The following MAGI1 variants were observed in gnomAD, a reference collection of about 807,000 sequenced individuals.
MAGI1 encodes membrane associated guanylate kinase, WW and PDZ domain containing 1, also known as membrane-associated guanylate kinase, WW and PDZ domain-containing protein 1.
Under a neutral mutation model 139.9 loss-of-function variants are expected in MAGI1, and 58 were observed. That is an observed-to-expected ratio of 0.41 (90% CI 0.34 to 0.52). The LOEUF (loss-of-function observed/expected upper bound fraction) is 0.52. MAGI1 is among the 20% of genes least tolerant of loss of function. The probability of loss-of-function intolerance (pLI) is 0.12; values close to 1 mark genes in which losing one functional copy is unlikely to be tolerated. For missense variants in MAGI1, 1,874 were observed against 1,901.6 expected (o/e 0.99, Z 0.27); for synonymous variants, 812 against 737.9 (o/e 1.10, Z -1.63).
intron 1 of MAGI1, among the ~76,000 whole-genome samples, chr3:65,973,067 T>C (rs1056901488): frequency 6.6e-6 from 1 of 152,044 alleles, no homozygotes. Context: ...GGATGATCAC[T>C]TGGGCCCAGG....
At position 65,634,759 on chromosome 3, in the gene MAGI1, G is replaced by T. The variant is rs115545654; in HGVS notation, c.314-12671C>A. 7.2e-3 allele frequency among the ~76,000 whole-genome samples: 1,100 copies of T among 152,268 alleles called. 10 individuals are homozygous for T. The highest frequency in any genetic ancestry group is 0.026 in the African/African-American group (1,064 of 41,546). ...AATAAGAACAACAGAGACGTTTATG[G>T]CTCAGCTAAGGGAATGTTGACTATG... On this transcript the variant is annotated intron_variant, in intron 1 of 22. Coordinates refer to ENST00000402939, the MANE Select transcript of MAGI1 (RefSeq NM_001033057.2).
At chr3:65,508,978 G>A (rs1326575137) in intron 2 of MAGI1, among the ~76,000 whole-genome samples, 3 of 152,168 alleles carry the variant, frequency 2.0e-5, no homozygotes. Context: ...AGCTTCCTGT[G>A]AGCCAGGGAA....
intron 1 of MAGI1, among the ~76,000 whole-genome samples, chr3:65,730,232 G>A (rs1001803128): frequency 2.0e-5 from 3 of 152,050 alleles, no homozygotes; most frequent in Non-Finnish European, 4.4e-5. Context: ...ACAGTTAGTG[G>A]CTTATTTATC....
chr3:65,502,698 C>T (rs745673857), intron 2 of MAGI1, among the ~76,000 whole-genome samples: 13 of 152,282 alleles, frequency 8.5e-5, no homozygotes, highest in Middle Eastern at 6.8e-3. Context: ...AATTCCATCA[C>T]GAGAATCTGA....
chr3:65,819,010 G>T (rs116194611), intron 1 of MAGI1, among the ~76,000 whole-genome samples: 2,369 of 151,760 alleles, frequency 0.016, 64 homozygotes, highest in African/African-American at 0.051. Flanking sequence ...TATGGTCCAG[G>T]AACAGTGGCT....
At chr3:65,626,853 T>A (rs1484822624) in intron 1 of MAGI1, among the ~76,000 whole-genome samples, 1 of 152,234 alleles carries the variant, frequency 6.6e-6, no homozygotes, top group Non-Finnish European at 1.5e-5. Flanking sequence ...CATTTTGGCA[T>A]CTAATCTCAA....
intron 1 of MAGI1, among the ~76,000 whole-genome samples, chr3:65,973,501 G>T (rs1377366504): frequency 6.6e-6 from 1 of 152,134 alleles, no homozygotes; most frequent in African/African-American, 2.4e-5. Context: ...CACAGGAGAT[G>T]GTATAAGTGA....
chr3:65,925,658 C>G (rs764777991), intron 1 of MAGI1, among the ~76,000 whole-genome samples: 3 of 149,490 alleles, frequency 2.0e-5, no homozygotes, highest in Admixed American at 1.3e-4. Flanking sequence ...ATAGCTCTCT[C>G]ATATAACCTT....
intron 1 of MAGI1, among the ~76,000 whole-genome samples, chr3:65,866,617 A>G (rs895487160): frequency 1.3e-5 from 2 of 152,132 alleles, no homozygotes; most frequent in Admixed American, 1.3e-4. Flanking sequence ...AAAGAGATGC[A>G]GCATCTCATT....
At chr3:65,403,143 TAGTA>T (rs944362330) in intron 12 of MAGI1, among the ~76,000 whole-genome samples, 13 of 152,068 alleles carry the variant, frequency 8.5e-5, no homozygotes, top group African/African-American at 3.1e-4. Context: ...AAAGGGAAAA[TAGTA>T]AGACTCACTT....
chr3:65,520,591 T>C (rs1269414532), intron 2 of MAGI1, among the ~76,000 whole-genome samples: 2 of 152,184 alleles, frequency 1.3e-5, no homozygotes, highest in Non-Finnish European at 2.9e-5. Context: ...AAAAGTGAGC[T>C]ATTAATAGGA....
rs1472897941 is a variant in MAGI1 at position 65,375,733 on chromosome 3, G to A, written c.3196+12C>T. On this transcript the variant is annotated intron_variant, in intron 18 of 22. Coordinates refer to ENST00000402939, the MANE Select transcript of MAGI1 (RefSeq NM_001033057.2). ...AAGAGAGAGAGAGAGAGAGATAATA[G>A]GTATACTTTACCATCCCCAGGAATG... 2 of 1,580,970 alleles carry A rather than the reference G, an allele frequency of 1.3e-6. No homozygotes were observed. The highest frequency in any genetic ancestry group is 1.7e-6 in the Non-Finnish European group (2 of 1,150,642).
At position 65,391,198 on chromosome 3, in the gene MAGI1, T is replaced by C; in HGVS notation, c.2360A>G (p.Lys787Arg). 1.2e-6 allele frequency: 2 copies of C among 1,614,234 alleles called. No homozygotes were observed. Among genetic ancestry groups the C allele is most frequent in the South Asian group, 2.2e-5 (2 of 91,084 alleles). ...APDQTDSSGQ[K>R]KPDPFKIWAQ... The stretch of plus-strand genomic sequence containing the variant: ...CCAGATTTTAAAAGGATCTGGTTTT[T>C]TCTGGCCAGAGCTGTCAGTTTGATC... Residue 787 changes from lysine to arginine, a missense_variant, in exon 14 of 23, where the codon AAA becomes AGA. Lys to Arg is a conservative substitution (Grantham distance 26, BLOSUM62 2). Transcript: ENST00000402939.
intron 1 of MAGI1, among the ~76,000 whole-genome samples, chr3:65,738,712 C>T (rs1164806852): frequency 6.6e-6 from 1 of 152,228 alleles, no homozygotes; most frequent in Non-Finnish European, 1.5e-5. Flanking sequence ...TCCATCAGAG[C>T]TCTTGGGTGA....
intron 1 of MAGI1, among the ~76,000 whole-genome samples, chr3:65,851,439 A>C (rs974517912): frequency 1.3e-5 from 2 of 152,060 alleles, no homozygotes; most frequent in African/African-American, 2.4e-5. Context: ...GTAAGCTTGC[A>C]AACTAAATAA....
intron 1 of MAGI1, among the ~76,000 whole-genome samples, chr3:65,814,031 T>C (rs1038470827): frequency 6.6e-6 from 1 of 152,028 alleles, no homozygotes; most frequent in Non-Finnish European, 1.5e-5. Context: ...ACAAAATGGT[T>C]AGATGCTAAG....
chr3:66,027,901 C>T (rs1189142680), intron 1 of MAGI1, among the ~76,000 whole-genome samples: 2 of 152,132 alleles, frequency 1.3e-5, no homozygotes, highest in African/African-American at 2.4e-5. Flanking sequence ...TTGTGACAAC[C>T]AAAAATGGCT....
intron 1 of MAGI1, among the ~76,000 whole-genome samples, chr3:65,791,797 A>C (rs758463294): frequency 9.2e-5 from 14 of 152,202 alleles, no homozygotes; most frequent in Non-Finnish European, 1.5e-5. Context: ...GCAGAAAAAC[A>C]TTCAAATATA....
intron 1 of MAGI1, among the ~76,000 whole-genome samples, chr3:65,822,661 T>G (rs1377219265): frequency 6.6e-6 from 1 of 152,232 alleles, no homozygotes. Flanking sequence ...TCTGCTGGGC[T>G]TCTGGGGAGG....
Sources: allele counts gnomAD v4.1 joint callset (sites outside exome capture counted in the v4.1 genomes callset), GRCh38; gene constraint gnomAD v4.1.1; transcripts MANE v1.5; gene names NCBI Gene and HGNC (gene_info 2026-07-23, HGNC 2026-07-21).